KIF13B: variants seen among roughly 807,000 people sequenced by gnomAD.
KIF13B encodes the protein kinesin-like protein KIF13B.
Under a neutral mutation model 222.0 loss-of-function variants are expected in KIF13B, and 127 were observed. The ratio of observed to expected loss-of-function variants is 0.57; its 90% CI spans 0.50 to 0.66. KIF13B has a LOEUF of 0.66. Among genes scored for constraint, KIF13B ranks in the 30% least tolerant of loss-of-function variants. KIF13B has a pLI of 0.00. For missense variants in KIF13B, 2,173 were observed against 2,379.0 expected (o/e 0.91, Z 1.80); for synonymous variants, 976 against 919.0 (o/e 1.06, Z -1.12).
chr8:29,256,377 G>C (rs1054141279), intron 1 of KIF13B, among the ~76,000 whole-genome samples: 1 of 152,286 alleles, frequency 6.6e-6, no homozygotes, highest in South Asian at 2.1e-4. Context: ...ATTCCTCCAC[G>C]TCACCCCGGT....
At chr8:29,163,348 G>A (rs1236079965) in intron 12 of KIF13B, among the ~76,000 whole-genome samples, 1 of 152,164 alleles carries the variant, frequency 6.6e-6, no homozygotes, top group Non-Finnish European at 1.5e-5. Context: ...TCTGTGGTAG[G>A]GCCATCCGAG....
At chr8:29,149,281 T>C (rs1811197317) in intron 15 of KIF13B, among the ~76,000 whole-genome samples, 1 of 152,140 alleles carries the variant, frequency 6.6e-6, no homozygotes, top group Non-Finnish European at 1.5e-5. Context: ...GTCATTTAAT[T>C]TAGGAAGGAA....
At chr8:29,107,464 G>GT (rs1809127867) in intron 35 of KIF13B, among the ~76,000 whole-genome samples, 1 of 152,026 alleles carries the variant, frequency 6.6e-6, no homozygotes, top group African/African-American at 2.4e-5. Context: ...GGAGGCGGAG[G>GT]TTGTAGTAAG....
intron 21 of KIF13B, among the ~76,000 whole-genome samples, chr8:29,139,380 T>C (rs945362586): frequency 5.9e-5 from 9 of 152,292 alleles, no homozygotes; most frequent in South Asian, 4.1e-4. Flanking sequence ...TCATCAACCC[T>C]ATGTCTCCAT....
chr8:29,080,476 C>CA (rs968800812), intron 37 of KIF13B, among the ~76,000 whole-genome samples: 5 of 152,124 alleles, frequency 3.3e-5, no homozygotes, highest in African/African-American at 1.2e-4. Context: ...AGAACGTGTC[C>CA]AGCCCTGGCC....
chr8:29,075,400 A>G, intron 37 of KIF13B, 57 bp from the exon 38 acceptor site: 6 of 1,478,940 alleles, frequency 4.1e-6, no homozygotes, highest in Non-Finnish European at 5.5e-6. Context: ...GGTAGCAGAA[A>G]GGTTTCCGCT....
At chr8:29,146,043 G>C in intron 18 of KIF13B, 1 of 522,550 alleles carries the variant, frequency 1.9e-6, no homozygotes, top group Non-Finnish European at 3.4e-6. Context: ...GTTGTAGAGT[G>C]GTAGCATAAG....
At chr8:29,155,331 C>T (rs1230131525) in intron 14 of KIF13B, among the ~76,000 whole-genome samples, 3 of 152,182 alleles carry the variant, frequency 2.0e-5, no homozygotes, top group African/African-American at 7.2e-5. Flanking sequence ...AACATGGCAG[C>T]ACTTAACCCT....
At chr8:29,184,764 T>C (rs1358598053) in intron 6 of KIF13B, among the ~76,000 whole-genome samples, 1 of 152,138 alleles carries the variant, frequency 6.6e-6, no homozygotes, top group Non-Finnish European at 1.5e-5. Flanking sequence ...AGGTATGAAG[T>C]CAGTCAGCTA....
At chr8:29,148,932 T>C (rs556802679) in intron 15 of KIF13B, among the ~76,000 whole-genome samples, 165 bp from the exon 16 acceptor site, 1 of 152,298 alleles carries the variant, frequency 6.6e-6, no homozygotes, top group African/African-American at 2.4e-5. Context: ...AAGACACTCA[T>C]GTGCCAGCAA....
At chr8:29,102,259 A>T (rs899191221) in intron 35 of KIF13B, among the ~76,000 whole-genome samples, 4 of 151,688 alleles carry the variant, frequency 2.6e-5, no homozygotes, top group African/African-American at 9.7e-5. Context: ...CTTCTCCTCC[A>T]GTAATCTACA....
intron 1 of KIF13B, among the ~76,000 whole-genome samples, chr8:29,250,529 T>C (rs1816237529): frequency 6.6e-6 from 1 of 152,228 alleles, no homozygotes; most frequent in East Asian, 1.9e-4. Flanking sequence ...TAAACTCATT[T>C]TGTCCTAGAG....
At chr8:29,251,012 G>A (rs901240134) in intron 1 of KIF13B, among the ~76,000 whole-genome samples, 7 of 152,060 alleles carry the variant, frequency 4.6e-5, no homozygotes, top group East Asian at 3.9e-4. Flanking sequence ...TTAGCCGGGC[G>A]TGGAGGTGGG....
At chr8:29,191,169 G>C in intron 3 of KIF13B, 112 bp from the exon 4 acceptor site, 1 of 759,266 alleles carries the variant, frequency 1.3e-6, no homozygotes, top group Non-Finnish European at 2.2e-6. Flanking sequence ...GTCATACAAT[G>C]GGAATTAATT....
In KIF13B at chr8:29,156,438, C is replaced by T. The variant is rs114671782; in HGVS notation, c.1405-582G>A. ...AAATAAACTACATCTCTATCACCACCCTAGAGCTACATACTTTAGTTCCGT... is the reference window on the plus strand; with the variant it reads ...AAATAAACTACATCTCTATCACCACTCTAGAGCTACATACTTTAGTTCCGT... On this transcript the variant is annotated intron_variant, in intron 13 of 39. Coordinates refer to ENST00000524189, the MANE Select transcript of KIF13B (RefSeq NM_015254.4). Among the ~76,000 whole-genome samples the T allele has an allele frequency of 8.2e-3, 1,247 of 152,284 alleles. 7 individuals are homozygous for T. The highest frequency in any genetic ancestry group is 0.014 in the African/African-American group (586 of 41,564).
intron 1 of KIF13B, among the ~76,000 whole-genome samples, chr8:29,258,962 C>G (rs533680183): frequency 6.6e-6 from 1 of 152,132 alleles, no homozygotes; most frequent in Non-Finnish European, 1.5e-5. Flanking sequence ...CCTAAGAAAA[C>G]TTTTAGGAAG....
chr8:29,214,389 T>C (rs1482825473), intron 2 of KIF13B, among the ~76,000 whole-genome samples: 1 of 152,222 alleles, frequency 6.6e-6, no homozygotes, highest in African/African-American at 2.4e-5. Flanking sequence ...TTTAAAAAAT[T>C]AGACTTAAAA....
chr8:29,106,531 C>T (rs1252622672), intron 35 of KIF13B, among the ~76,000 whole-genome samples: 1 of 144,636 alleles, frequency 6.9e-6, no homozygotes, highest in African/African-American at 2.6e-5. Context: ...ACTGGGGAGG[C>T]TGAGGCAGGA....
chr8:29,251,262 C>T (rs1278391600), intron 1 of KIF13B, among the ~76,000 whole-genome samples: 8 of 152,194 alleles, frequency 5.3e-5, no homozygotes, highest in Non-Finnish European at 2.9e-5. Flanking sequence ...AAGATCAACA[C>T]CTTTCTCTTG....
Sources: gnomAD v4.1 joint callset for allele counts (sites outside exome capture counted in the v4.1 genomes callset) on GRCh38, gnomAD v4.1.1 for gene constraint, MANE v1.5 for transcripts, NCBI Gene and HGNC (gene_info 2026-07-23, HGNC 2026-07-21) for gene names.